The following TACR3 variants were observed in gnomAD, a reference collection of about 807,000 sequenced individuals.
The protein encoded by TACR3 is tachykinin receptor 3, also known as neuromedin-K receptor.
In TACR3, 34 loss-of-function variants were observed where a neutral mutation model predicts 35.0. The observed-to-expected ratio is 0.97, with a 90% CI of 0.74 to 1.30. TACR3 has a LOEUF of 1.30. Ranked by LOEUF, TACR3 falls within the 50% of genes most tolerant of loss-of-function variation. The pLI is 0.00. For missense variants in TACR3, 558 were observed against 591.7 expected (o/e 0.94, Z 0.59); for synonymous variants, 233 against 221.1 (o/e 1.05, Z -0.48).
At chr4:103,687,534 G>A (rs1722278750) in intron 1 of TACR3, among the ~76,000 whole-genome samples, 2 of 152,104 alleles carry the variant, frequency 1.3e-5, no homozygotes, top group African/African-American at 4.8e-5. Flanking sequence ...AAGCTGATAG[G>A]CAACTTCAGC....
intron 1 of TACR3, among the ~76,000 whole-genome samples, chr4:103,688,031 T>C (rs1256277776): frequency 6.6e-6 from 1 of 152,162 alleles, no homozygotes; most frequent in Non-Finnish European, 1.5e-5. Context: ...AACAGCACGG[T>C]ACTGGTACCA....
rs1723845345 is a variant in TACR3, at chr4:103,589,588, A to C, written c.*94T>G. 6 of 1,442,924 alleles carry C rather than the reference A, an allele frequency of 4.2e-6. No individual in the cohort carries two copies. The East Asian group carries it at 1.4e-4, about 33-fold the overall frequency. The allele number at this position is 1,442,924 out of a possible 1,614,324, so 89.4% of individuals were successfully genotyped here. ...CCTAAAAATTGCTTTCTGTTTCTAG[A>C]GGGTATATAGGACAGGACTGGTAAA... is the stretch of plus-strand genomic sequence containing the variant. On this transcript the variant is annotated 3_prime_UTR_variant, in exon 5 of 5. Coordinates refer to ENST00000304883, the MANE Select transcript of TACR3 (RefSeq NM_001059.3).
chr4:103,629,459 A>C (rs554975913), intron 3 of TACR3, among the ~76,000 whole-genome samples: 10 of 152,300 alleles, frequency 6.6e-5, no homozygotes, highest in African/African-American at 2.4e-4. Context: ...ATACAAAATC[A>C]ATGTGCAAAA....
intron 3 of TACR3, among the ~76,000 whole-genome samples, chr4:103,600,837 A>G (rs1308218677): frequency 2.0e-5 from 3 of 152,088 alleles, no homozygotes; most frequent in Non-Finnish European, 4.4e-5. Flanking sequence ...GTTTGTTATA[A>G]TTTCTGTTCT....
chr4:103,686,872 G>C (rs112941236), intron 1 of TACR3, among the ~76,000 whole-genome samples: 1 of 152,080 alleles, frequency 6.6e-6, no homozygotes, highest in African/African-American at 2.4e-5. Flanking sequence ...TAGAAAAAGA[G>C]GGAATCCTCC....
At chr4:103,609,257 T>G (rs1302927758) in intron 3 of TACR3, among the ~76,000 whole-genome samples, 1 of 152,172 alleles carries the variant, frequency 6.6e-6, no homozygotes, top group African/African-American at 2.4e-5. Context: ...CACAAAATTA[T>G]TTCCATACAC....
chr4:103,635,088 T>G (rs936831336), intron 3 of TACR3, among the ~76,000 whole-genome samples: 3 of 151,996 alleles, frequency 2.0e-5, no homozygotes, highest in Non-Finnish European at 2.9e-5. Context: ...ACAAGTATAT[T>G]ACCTACATTA....
chr4:103,684,700 G>A (rs190533815), intron 1 of TACR3, among the ~76,000 whole-genome samples: 12 of 151,998 alleles, frequency 7.9e-5, no homozygotes, highest in South Asian at 6.2e-4. Context: ...ATAAAAGCTC[G>A]TTCTAAAATA....
At chr4:103,700,388 G>C (rs565601840) in intron 1 of TACR3, among the ~76,000 whole-genome samples, 1 of 152,156 alleles carries the variant, frequency 6.6e-6, no homozygotes, top group African/African-American at 2.4e-5. Context: ...ATTTTAAATA[G>C]TCTTGATACT....
At chr4:103,676,725 A>G (rs1042814030) in intron 1 of TACR3, among the ~76,000 whole-genome samples, 3 of 152,188 alleles carry the variant, frequency 2.0e-5, no homozygotes, top group Admixed American at 1.3e-4. Context: ...ATCAAGATGG[A>G]TTAAAGACTT....
intron 1 of TACR3, among the ~76,000 whole-genome samples, chr4:103,701,059 C>A (rs1230049921): frequency 6.6e-6 from 1 of 151,970 alleles, no homozygotes; most frequent in East Asian, 1.9e-4. Context: ...GGCAATTAGG[C>A]AGGAGAAGGA....
chr4:103,686,751 C>T (rs917505947), intron 1 of TACR3, among the ~76,000 whole-genome samples: 6 of 152,068 alleles, frequency 3.9e-5, no homozygotes, highest in Non-Finnish European at 5.9e-5. Context: ...ACCATTAATA[C>T]GTTTAGAGAA....
intron 3 of TACR3, among the ~76,000 whole-genome samples, chr4:103,600,196 G>A (rs780410959): frequency 1.3e-5 from 2 of 152,124 alleles, no homozygotes; most frequent in Non-Finnish European, 2.9e-5. Context: ...GGGTGTATGT[G>A]TCAAGGAATT....
chr4:103,616,728 C>G (rs1434933051), intron 3 of TACR3, among the ~76,000 whole-genome samples: 1 of 152,158 alleles, frequency 6.6e-6, no homozygotes, highest in Non-Finnish European at 1.5e-5. Flanking sequence ...AGATAGGTCT[C>G]TTGAGCCTAG....
chr4:103,624,479 T>A (rs1463855564), intron 3 of TACR3: 1 of 151,904 alleles, frequency 6.6e-6, no homozygotes, highest in Non-Finnish European at 1.5e-5. Context: ...AAGACAGGCT[T>A]GAGAGGCATA....
At chr4:103,629,893 CAAAA>C (rs1216728830) in intron 3 of TACR3, among the ~76,000 whole-genome samples, 1 of 98,670 alleles carries the variant, frequency 1.0e-5, no homozygotes, top group East Asian at 2.2e-4. Flanking sequence ...ACAACAACAA[CAAAA>C]AAAAACAAAG....
At chr4:103,622,255 T>C (rs1283692305) in intron 3 of TACR3, among the ~76,000 whole-genome samples, 1 of 152,112 alleles carries the variant, frequency 6.6e-6, no homozygotes, top group African/African-American at 2.4e-5. Context: ...GTGTAAAAGA[T>C]TGATAAGAGA....
At chr4:103,692,076 G>T (rs576273857) in intron 1 of TACR3, among the ~76,000 whole-genome samples, 11 of 152,130 alleles carry the variant, frequency 7.2e-5, no homozygotes, top group African/African-American at 2.4e-4. Flanking sequence ...GGACCGAGCT[G>T]GTCCCAGCAT....
In TACR3 at chr4:103,646,314, C is replaced by CT. The variant is rs59320645; in HGVS notation, c.888+9879dup. 2.6e-5 allele frequency among the ~76,000 whole-genome samples: 4 copies of CT among 152,094 alleles called. No individual in the cohort carries two copies. In the East Asian group the frequency reaches 7.7e-4, roughly 29 times the overall value. ...AACATCTTTCCTGAATTTAGACAAACTTTGTCTATTCCACTTCCACAGTAG... is the reference window on the plus strand; with the variant it reads ...AACATCTTTCCTGAATTTAGACAAACTTTTGTCTATTCCACTTCCACAGTAG... On this transcript the variant is annotated intron_variant, in intron 3 of 4. Transcript: ENST00000304883.
Sources: allele counts gnomAD v4.1 joint callset (sites outside exome capture counted in the v4.1 genomes callset), GRCh38; gene constraint gnomAD v4.1.1; transcripts MANE v1.5; gene names NCBI Gene and HGNC (gene_info 2026-07-23, HGNC 2026-07-21).